PIEZO2: variants seen among roughly 807,000 people sequenced by gnomAD.
The protein encoded by PIEZO2 is piezo-type mechanosensitive ion channel component 2.
PIEZO2 carries 172 observed loss-of-function variants against 337.3 expected under a neutral mutation model. The observed-to-expected ratio is 0.51, with a 90% CI of 0.45 to 0.58. PIEZO2 has a LOEUF of 0.58. PIEZO2 is among the 20% of genes least tolerant of loss of function. The pLI is 0.00. For synonymous variants in PIEZO2, 1,251 were observed against 1,228.5 expected (o/e 1.02, Z -0.38); for missense variants, 3,028 against 3,391.3 (o/e 0.89, Z 2.66).
intron 2 of PIEZO2, among the ~76,000 whole-genome samples, chr18:11,007,590 A>C (rs918173780): frequency 6.6e-6 from 1 of 152,200 alleles, no homozygotes; most frequent in Admixed American, 6.5e-5. Context: ...TGAAAGTCTT[A>C]AGATGGAGAG....
At position 11,102,414 on chromosome 18, in the gene PIEZO2, C is replaced by G. The variant is rs949736016; in HGVS notation, c.65-36192G>C. Among the ~76,000 whole-genome samples the G allele has an allele frequency of 6.6e-6, 1 of 152,126 alleles. No homozygotes were observed. The highest frequency in any genetic ancestry group is 2.4e-5 in the African/African-American group (1 of 41,422). On this transcript the variant is annotated intron_variant, in intron 1 of 55. Transcript: ENST00000674853. The surrounding 1 kb of genome is among the most constrained non-coding windows in gnomAD (Gnocchi z 5.7). Reference sequence around the variant, plus strand: ...GTCTCCTCCTGTCAGTGGGCAAAACCCTGATCTGATTGAAGATCGAATCTC... The same window carrying G: ...GTCTCCTCCTGTCAGTGGGCAAAACGCTGATCTGATTGAAGATCGAATCTC...
Position 10,682,209 on chromosome 18 carries a change from G to C in PIEZO2, c.7581C>G (p.Cys2527Trp). 2.6e-6 allele frequency: 4 copies of C among 1,537,234 alleles called. No homozygotes were observed. The highest frequency in any genetic ancestry group is 3.5e-6 in the Non-Finnish European group (4 of 1,146,890). The change falls in exon 50 of 56, where the codon TGC (cysteine) becomes TGG (tryptophan). Residue 2527 changes from cysteine (C) to tryptophan (W), a missense_variant. Cys to Trp is a radical substitution (Grantham distance 215). Around this residue, in one of 5 missense-constraint regions of PIEZO2, gnomAD observed 179 missense variants for 281.8 expected, o/e 0.64. Coordinates refer to ENST00000674853, the MANE Select transcript of PIEZO2 (RefSeq NM_001378183.1). The surrounding 1 kb of genome is among the most constrained non-coding windows in gnomAD (Gnocchi z 5.6). ...TGAAGAGAAGAGGAAACCAGACAAT[G>C]CAGATGAGCAGGACGATGATCATTC... ...MGGMIIVLLI[C>W]IVWFPLLFMS...
intron 4 of PIEZO2, among the ~76,000 whole-genome samples, chr18:10,884,362 T>G (rs1293656230): frequency 6.6e-6 from 1 of 152,224 alleles, no homozygotes; most frequent in Non-Finnish European, 1.5e-5. Flanking sequence ...GCATTTGTCT[T>G]TTTCTTACTT....
chr18:11,056,313 C>T (rs1197255144), intron 2 of PIEZO2, among the ~76,000 whole-genome samples: 1 of 152,194 alleles, frequency 6.6e-6, no homozygotes, highest in Non-Finnish European at 1.5e-5. Context: ...AAGGAAACAC[C>T]TCCCAGCTGC....
At chr18:10,799,434 C>T (rs1371685055) in intron 11 of PIEZO2, among the ~76,000 whole-genome samples, 3 of 152,154 alleles carry the variant, frequency 2.0e-5, no homozygotes, top group Non-Finnish European at 4.4e-5. Flanking sequence ...CAAGGGATTC[C>T]AGAAGTGTCC....
Position 10,784,934 on chromosome 18 carries a change from T to C in PIEZO2, c.2342A>G (p.Gln781Arg). The C allele has an allele frequency of 1.0e-5, 16 of 1,536,680 alleles. No homozygotes were observed. Among genetic ancestry groups the C allele is most frequent in the Non-Finnish European group, 1.4e-5 (16 of 1,146,630 alleles). ...KEKLEDLGLK[Q>R]FTVAELFTRI... ...AGTGAATAGTTCAGCCACAGTAAAC[T>C]GCTTTAAGCCAAGATCCTCAAGCCT... is the stretch of plus-strand genomic sequence containing the variant. The change falls in exon 17 of 56, where the codon CAG (glutamine) becomes CGG (arginine). Residue 781 changes from glutamine (Q) to arginine (R), a missense_variant. Gln to Arg is a conservative substitution (Grantham distance 43). Around this residue, in one of 5 missense-constraint regions of PIEZO2, gnomAD observed 1,925 missense variants for 2,051.9 expected, o/e 0.94. Transcript: ENST00000674853. The surrounding 1 kb of genome is among the most constrained non-coding windows in gnomAD (Gnocchi z 4.5).
Position 10,731,415 on chromosome 18 carries a change from G to A in PIEZO2, c.5021C>T (p.Ser1674Phe), listed in dbSNP as rs1378145069. The A allele has an allele frequency of 1.0e-5, 16 of 1,533,692 alleles. No homozygotes were observed. Among genetic ancestry groups the A allele is most frequent in the East Asian group, 2.5e-5 (1 of 40,676 alleles). Residue 1674 changes from serine to phenylalanine, a missense_variant, in exon 36 of 56, where the codon TCC (serine) becomes TTC (phenylalanine). Ser to Phe is a radical substitution (Grantham distance 155, BLOSUM62 -2). Around this residue, in one of 5 missense-constraint regions of PIEZO2, gnomAD observed 1,925 missense variants for 2,051.9 expected, o/e 0.94. Coordinates refer to ENST00000674853, the MANE Select transcript of PIEZO2 (RefSeq NM_001378183.1). The part of the protein sequence containing the change: ...REERKRRRKG[S>F]KEGPVEWEDR... ...CCCCACCCACCACTCACCCTCCTTG[G>A]ATCCTTTCCGCCTTCGTTTCCGTTC...
chr18:11,096,432 A>G lies in PIEZO2; in HGVS notation c.65-30210T>C, dbSNP rs1029429333. 2.0e-5 allele frequency among the ~76,000 whole-genome samples: 3 copies of G among 152,210 alleles called. No individual in the cohort carries two copies. The highest frequency in any genetic ancestry group is 7.2e-5 in the African/African-American group (3 of 41,450). On this transcript the variant is annotated intron_variant, in intron 1 of 55. Coordinates refer to ENST00000674853, the MANE Select transcript of PIEZO2 (RefSeq NM_001378183.1). This position sits in a 1 kb window ranked among gnomAD's most constrained non-coding sequence, Gnocchi z 4.6. ...ATCCAGGAGCCTGGTCCCGGGCTCC[A>G]CACCTGGTTCTGCCTCCTAAGAGCT... is the stretch of plus-strand genomic sequence containing the variant.
chr18:10,750,166 C>T lies in PIEZO2; in HGVS notation c.4189G>A (p.Gly1397Arg). 3 of 1,536,920 alleles carry T rather than the reference C, an allele frequency of 2.0e-6. No individual in the cohort carries two copies. The highest frequency in any genetic ancestry group is 1.7e-6 in the Non-Finnish European group (2 of 1,146,700). ...ILSIGACGYIGTLVHNSCWLI... is the reference protein window; with the variant it reads ...ILSIGACGYIRTLVHNSCWLI... ...CAACAACTATTGTGCACCAATGTTCCAATGTATCCACATGCTCCTATCTGA... is the reference window on the plus strand; with the variant it reads ...CAACAACTATTGTGCACCAATGTTCTAATGTATCCACATGCTCCTATCTGA... Residue 1397 changes from glycine (G) to arginine (R), a missense_variant, in exon 29 of 56, where the codon GGA becomes AGA. By Grantham distance (125) the Gly-to-Arg change is moderately radical. This residue lies in a region of PIEZO2 where 1,925 missense variants were observed against 2,051.9 expected (regional missense o/e 0.94). Transcript: ENST00000674853. The surrounding 1 kb of genome is among the most constrained non-coding windows in gnomAD (Gnocchi z 4.1).
chr18:11,055,103 C>G (rs368555544), intron 2 of PIEZO2, among the ~76,000 whole-genome samples: 3 of 146,302 alleles, frequency 2.1e-5, no homozygotes, highest in African/African-American at 7.6e-5. Context: ...CCCAGCTACT[C>G]GGGAGGCTGA....
chr18:10,956,541 T>C (rs1488677932), intron 3 of PIEZO2, among the ~76,000 whole-genome samples: 2 of 152,214 alleles, frequency 1.3e-5, no homozygotes, highest in East Asian at 3.8e-4. Context: ...TCTTAAAATT[T>C]GTATGGAGCA....
chr18:10,716,372 T>C lies in PIEZO2; in HGVS notation c.5090-556A>G, dbSNP rs908930052. 6.6e-6 allele frequency among the ~76,000 whole-genome samples: 1 copy of C among 152,222 alleles called. No individual in the cohort carries two copies. The highest frequency in any genetic ancestry group is 1.5e-5 in the Non-Finnish European group (1 of 68,050). ...CTTTCTGATTTTCTTCATGACATTT[T>C]CTCTAGCTTCCTTATATAATATGTG... On this transcript the variant is annotated intron_variant, in intron 37 of 55. Coordinates refer to ENST00000674853, the MANE Select transcript of PIEZO2 (RefSeq NM_001378183.1). This position sits in a 1 kb window ranked among gnomAD's most constrained non-coding sequence, Gnocchi z 4.1.
At position 10,742,554 on chromosome 18, in the gene PIEZO2, A is replaced by G; in HGVS notation, c.4576T>C (p.Leu1526=). The change falls in exon 32 of 56, where the codon TTG becomes CTG. Residue 1526 remains leucine, a synonymous_variant. Transcript: ENST00000674853. ...YKKGKERMLS[L]TQEPGEGQDM... ...TGGCCTTCCCCTGGCTCCTGGGTCA[A>G]GCTCAGCATCCTCTCCTTACCCTTT... 1 of 1,537,204 alleles carries G rather than the reference A, an allele frequency of 6.5e-7. No individual in the cohort carries two copies. Among genetic ancestry groups the G allele is most frequent in the Non-Finnish European group, 8.7e-7 (1 of 1,146,890 alleles).
chr18:10,871,483 A>C (rs2042140382), intron 4 of PIEZO2, 68 bp from the exon 5 acceptor site: 1 of 1,379,938 alleles, frequency 7.2e-7, no homozygotes, highest in East Asian at 2.5e-5. Context: ...AAACTGCCTT[A>C]TAGGATGTTT....
chr18:11,050,274 G>T (rs2145845950), intron 2 of PIEZO2, among the ~76,000 whole-genome samples: 1 of 151,988 alleles, frequency 6.6e-6, no homozygotes, highest in African/African-American at 2.4e-5. Context: ...GCTTTATTAT[G>T]ACATAATAAA....
rs1162431507 is a variant in PIEZO2 at position 10,895,104 on chromosome 18, T to C, written c.329+16082A>G. Among the ~76,000 whole-genome samples, 1 of 152,208 alleles carries C rather than the reference T, an allele frequency of 6.6e-6. No homozygotes were observed. The highest frequency in any genetic ancestry group is 1.5e-5 in the Non-Finnish European group (1 of 68,040). On this transcript the variant is annotated intron_variant, in intron 4 of 55. Transcript: ENST00000674853. This position sits in a 1 kb window ranked among gnomAD's most constrained non-coding sequence, Gnocchi z 4.8. ...GAGGCAACATGTGTCCTCCAGGCAC[T>C]TAGATGCCACTGGCTTCTAGCTCCC...
intron 3 of PIEZO2, among the ~76,000 whole-genome samples, chr18:10,975,571 G>C (rs2034411549): frequency 6.6e-6 from 1 of 152,032 alleles, no homozygotes; most frequent in Non-Finnish European, 1.5e-5. Flanking sequence ...ATCTAAATAG[G>C]GTGGTTTGAA....
At position 10,716,440 on chromosome 18, in the gene PIEZO2, G is replaced by A. The variant is rs1285348819; in HGVS notation, c.5090-624C>T. ...TGTTCTGTGTGACAATTTCCCACCT[G>A]TGCTGTCACTACCCTGGTGACACCC... is the stretch of plus-strand genomic sequence containing the variant. On this transcript the variant is annotated intron_variant, in intron 37 of 55. Coordinates refer to ENST00000674853, the MANE Select transcript of PIEZO2 (RefSeq NM_001378183.1). The surrounding 1 kb of genome is among the most constrained non-coding windows in gnomAD (Gnocchi z 4.1). Among the ~76,000 whole-genome samples, 1 of 152,068 alleles carries A rather than the reference G, an allele frequency of 6.6e-6. No individual in the cohort carries two copies. The highest frequency in any genetic ancestry group is 1.5e-5 in the Non-Finnish European group (1 of 68,022).
intron 4 of PIEZO2, among the ~76,000 whole-genome samples, chr18:10,910,398 C>T (rs2030363205): frequency 6.6e-6 from 1 of 152,154 alleles, no homozygotes; most frequent in Non-Finnish European, 1.5e-5. Flanking sequence ...GTCTGGCCAA[C>T]ATAGTGAAAC....
Sources: allele counts gnomAD v4.1 joint callset (sites outside exome capture counted in the v4.1 genomes callset), GRCh38; gene constraint gnomAD v4.1.1; regional missense constraint gnomAD v4.1.1; non-coding constraint Gnocchi (gnomAD v3.1); transcripts MANE v1.5; gene names NCBI Gene and HGNC (gene_info 2026-07-23, HGNC 2026-07-21).